Variants in CAD observed in about 807,000 individuals in gnomAD.
CAD encodes the protein multifunctional protein CAD.
In CAD, 81 loss-of-function variants were observed where a neutral mutation model predicts 237.2. That is an observed-to-expected ratio of 0.34 (90% CI 0.29 to 0.41). CAD has a LOEUF of 0.41. Among genes scored for constraint, CAD ranks in the 10% least tolerant of loss-of-function variants. CAD has a pLI of 1.00. For missense variants in CAD, 2,181 were observed against 2,951.7 expected, an observed-to-expected ratio of 0.74 and a Z score of 6.05; for synonymous variants, 1,196 against 1,162.8, an observed-to-expected ratio of 1.03 and a Z score of -0.58.
At chr2:27,225,473 A>C (rs10172199) in intron 11 of CAD, among the ~76,000 whole-genome samples, 411 of 151,310 alleles carry the variant, frequency 2.7e-3, no homozygotes, top group African/African-American at 9.7e-3. Context: ...TGCCCAGCTA[A>C]TTTTGTATTT....
In CAD at chr2:27,222,218, A is replaced by G. The variant is rs762394968; in HGVS notation, c.377A>G (p.Lys126Arg). The change falls in exon 4 of 44, where the codon AAG becomes AGG. Residue 126 changes from lysine (K) to arginine (R), a missense_variant. Transcript: ENST00000264705. Reference sequence around the variant, plus strand: ...GGAGTAGACACTCGGGAGCTGACCAAGAAGTTGCGGGAACAGGGGTCTCTG... The same window carrying G: ...GGAGTAGACACTCGGGAGCTGACCAGGAAGTTGCGGGAACAGGGGTCTCTG... The part of the protein sequence containing the change: ...LQGVDTRELT[K>R]KLREQGSLLG... 2.5e-6 allele frequency: 4 copies of G among 1,613,910 alleles called. No individual in the cohort carries two copies.
intron 15 of CAD, among the ~76,000 whole-genome samples, chr2:27,231,252 C>T (rs1027469299): frequency 2.0e-5 from 3 of 152,166 alleles, no homozygotes; most frequent in African/African-American, 4.8e-5. Flanking sequence ...GTGATCCTTC[C>T]GCCTCAGCCT....
At position 27,240,008 on chromosome 2, in the gene CAD, A is replaced by G. The variant is rs1468249962; in HGVS notation, c.5496+210A>G. ...GTAATCCCAGCACTTTGGGAGGCCA[A>G]GGCAGGCGGATCATCTGAGGTCAGG... On this transcript the variant is annotated intron_variant, in intron 34 of 43. Coordinates refer to ENST00000264705, the MANE Select transcript of CAD (RefSeq NM_004341.5). This position sits in a 1 kb window ranked among gnomAD's most constrained non-coding sequence, Gnocchi z 4.6. 1.7e-6 allele frequency: 1 copy of G among 586,078 alleles called. No individual in the cohort carries two copies. Among genetic ancestry groups the G allele is most frequent in the Non-Finnish European group, 3.0e-6 (1 of 335,878 alleles). 36.3% of individuals were successfully genotyped at this position (586,078 alleles called of 1,614,324 possible).
chr2:27,231,745 G>A (rs1039797969), intron 16 of CAD, among the ~76,000 whole-genome samples, 165 bp downstream of exon 16: 1 of 152,200 alleles, frequency 6.6e-6, no homozygotes, highest in African/African-American at 2.4e-5. Context: ...GCACGCAAGG[G>A]TGTATTACTA....
chr2:27,223,148 G>A (rs1037815000), intron 6 of CAD, 111 bp downstream of exon 6: 37 of 1,183,658 alleles, frequency 3.1e-5, no homozygotes, highest in South Asian at 2.7e-4. Context: ...GAGCGGGGGG[G>A]TTGCAGGTGA....
rs780118823 is a variant in CAD, at chr2:27,235,095, T to C, written c.3787-150T>C. On this transcript the variant is annotated intron_variant, in intron 23 of 43. Coordinates refer to ENST00000264705, the MANE Select transcript of CAD (RefSeq NM_004341.5). The surrounding 1 kb of genome is among the most constrained non-coding windows in gnomAD (Gnocchi z 5.2). ...GCAGAAGCTGAGGGATGACCCCAAG[T>C]ACGTTTGGAAAGCAGGAGGGCACAC... The C allele has an allele frequency of 2.2e-5, 15 of 677,782 alleles. No homozygotes were observed. The highest frequency in any genetic ancestry group is 3.6e-5 in the Non-Finnish European group (15 of 414,430). The allele number at this position is 677,782 out of a possible 1,614,324, so 42.0% of individuals were successfully genotyped here. A position where few individuals can be genotyped will look rare whatever the true frequency, so the allele number is the denominator to read the frequency against.
At chr2:27,224,181 C>A in intron 8 of CAD, 152 bp downstream of exon 8, 1 of 919,324 alleles carries the variant, frequency 1.1e-6, no homozygotes, top group Non-Finnish European at 1.7e-6. Flanking sequence ...ACCGTTTAAG[C>A]TTCTGTTGAA....
intron 11 of CAD, 122 bp from the exon 12 acceptor site, chr2:27,225,583 G>A: frequency 1.3e-6 from 1 of 784,110 alleles, no homozygotes. Context: ...AATTGCTGGG[G>A]TTACAGGCGT....
chr2:27,229,161 G>A (rs1345977507), intron 15 of CAD, among the ~76,000 whole-genome samples: 2 of 149,974 alleles, frequency 1.3e-5, no homozygotes, highest in African/African-American at 2.5e-5. Flanking sequence ...CTCGTGATCC[G>A]CCTGCCTCGG....
intron 6 of CAD, 121 bp from the exon 7 acceptor site, chr2:27,223,442 A>C (rs1433932432): frequency 5.4e-5 from 53 of 974,860 alleles, no homozygotes; most frequent in East Asian, 3.9e-4. Flanking sequence ...AAAAAAAAAA[A>C]AAAACAAAAA....
At chr2:27,229,876 G>GAAAAAA (rs1215538368) in intron 15 of CAD, among the ~76,000 whole-genome samples, 2 of 85,232 alleles carry the variant, frequency 2.3e-5, no homozygotes, top group Non-Finnish European at 4.9e-5. Flanking sequence ...CTACGTCTCA[G>GAAAAAA]AAAAAAAAAA....
Position 27,242,232 on chromosome 2 carries a change from C to A in CAD, c.6097-70C>A. Reference sequence around the variant, plus strand: ...TTTGGGCCAGATGAGTGAGGGGACCCCAGAAGAGGGGGACTGGCAGTTGGG... The same window carrying A: ...TTTGGGCCAGATGAGTGAGGGGACCACAGAAGAGGGGGACTGGCAGTTGGG... On this transcript the variant is annotated intron_variant, in intron 39 of 43. Transcript: ENST00000264705. The surrounding 1 kb of genome is among the most constrained non-coding windows in gnomAD (Gnocchi z 6.4). 6 of 1,582,514 alleles carry A rather than the reference C, an allele frequency of 3.8e-6. No homozygotes were observed. The highest frequency in any genetic ancestry group is 5.2e-6 in the Non-Finnish European group (6 of 1,161,214).
At position 27,217,643 on chromosome 2, in the gene CAD, C is replaced by T. The variant is rs781378095; in HGVS notation, c.82+10C>T. On this transcript the variant is annotated intron_variant, in intron 1 of 43. Transcript: ENST00000264705. ...ACTGCCGGGGAAGTGGGTAAGCAAG[C>T]CCGGTTAGGCTGCAGACCTTATCCC... 25 of 1,597,448 alleles carry T rather than the reference C, an allele frequency of 1.6e-5. No individual in the cohort carries two copies. Among genetic ancestry groups the T allele is most frequent in the Non-Finnish European group, 2.0e-5 (24 of 1,172,064 alleles).
intron 9 of CAD, 120 bp downstream of exon 9, chr2:27,224,610 G>C: frequency 6.5e-7 from 1 of 1,538,002 alleles, no homozygotes. Context: ...TGTAGAGAAA[G>C]ATGTAGTAAG....
rs1032801611 is a variant in CAD at position 27,231,343 on chromosome 2, C to T, written c.2288-125C>T. On this transcript the variant is annotated intron_variant, in intron 15 of 43. Coordinates refer to ENST00000264705, the MANE Select transcript of CAD (RefSeq NM_004341.5). ...TAGTTGTGAAACACCATGAATCCCA[C>T]CATCATGTGACTTGCCTTGAGAATC... 6.2e-6 allele frequency: 4 copies of T among 645,492 alleles called. No homozygotes were observed. In the African/African-American group the frequency reaches 7.2e-5, roughly 12 times the overall value. The allele number at this position is 645,492 out of a possible 1,614,324, so 40.0% of individuals were successfully genotyped here.
In CAD at chr2:27,218,011, T is replaced by G. The variant is rs1334933732; in HGVS notation, c.217T>G (p.Cys73Gly). 1.9e-6 allele frequency: 3 copies of G among 1,599,186 alleles called. No homozygotes were observed. In the African/African-American group the frequency reaches 4.1e-5, roughly 22 times the overall value. ...AGATGAAATGGATGAGTTCGGTCTCTGCAAGGTAGCCACACCCAGTGCTTT... is the reference window on the plus strand; with the variant it reads ...AGATGAAATGGATGAGTTCGGTCTCGGCAAGGTAGCCACACCCAGTGCTTT... ...PPDEMDEFGL[C>G]KWFESSGIHV... Residue 73 changes from cysteine to glycine, a missense_variant, in exon 2 of 44, where the codon TGC becomes GGC. Physicochemically the swap from Cys to Gly is radical, Grantham distance 159. Transcript: ENST00000264705.
In CAD at chr2:27,233,002, C is replaced by G; in HGVS notation, c.2893-40C>G. 7.5e-7 allele frequency: 1 copy of G among 1,328,372 alleles called. No individual in the cohort carries two copies. The highest frequency in any genetic ancestry group is 1.1e-6 in the Non-Finnish European group (1 of 919,582). 82.3% of individuals were successfully genotyped at this position (1,328,372 alleles called of 1,614,324 possible). Reference sequence around the variant, plus strand: ...CCACGATTTTCTCCACGATTTTCCTCCCACCTGACTGCTAAGTACCCTTCC... The same window carrying G: ...CCACGATTTTCTCCACGATTTTCCTGCCACCTGACTGCTAAGTACCCTTCC... On this transcript the variant is annotated intron_variant, in intron 18 of 43. Transcript: ENST00000264705. The surrounding 1 kb of genome is among the most constrained non-coding windows in gnomAD (Gnocchi z 6.3).
intron 2 of CAD, among the ~76,000 whole-genome samples, chr2:27,220,388 C>T (rs4665959): frequency 0.24 from 36,888 of 152,000 alleles, 4,757 homozygotes; most frequent in Admixed American, 0.36. Flanking sequence ...TAGCTCATGA[C>T]TTGTAATCCC....
In CAD at chr2:27,238,105, A is replaced by G. The variant is rs1268568684; in HGVS notation, c.4778A>G (p.Gln1593Arg). Reference protein sequence around the residue: ...SHLPIVAHAEQQTVAAVLMVA... With the variant: ...SHLPIVAHAERQTVAAVLMVA... ...CTCCCCATTGTGGCTCACGCAGAGC[A>G]GCAAACCGTGGCTGCTGTCCTCATG... The change falls in exon 30 of 44, where the codon CAG (glutamine) becomes CGG (arginine). Residue 1593 changes from glutamine (Q) to arginine (R), a missense_variant. Gln to Arg is a conservative substitution (Grantham distance 43). This residue lies in a region of CAD where 478 missense variants were observed against 515.0 expected (regional missense o/e 0.93). Transcript: ENST00000264705. The G allele has an allele frequency of 6.2e-7, 1 of 1,614,212 alleles. No individual in the cohort carries two copies. The highest frequency in any genetic ancestry group is 1.1e-5 in the South Asian group (1 of 91,088).
Sources: gnomAD v4.1 joint callset for allele counts (sites outside exome capture counted in the v4.1 genomes callset) on GRCh38, gnomAD v4.1.1 for gene constraint, gnomAD v4.1.1 regional missense constraint, Gnocchi (gnomAD v3.1) non-coding constraint, MANE v1.5 for transcripts, NCBI Gene and HGNC (gene_info 2026-07-23, HGNC 2026-07-21) for gene names.